Variants in KIF22 observed in about 807,000 individuals in gnomAD.
The protein encoded by KIF22 is kinesin-like protein KIF22.
Under a neutral mutation model 73.0 loss-of-function variants are expected in KIF22, and 62 were observed. The ratio of observed to expected loss-of-function variants is 0.85; its 90% CI spans 0.69 to 1.05. The LOEUF (loss-of-function observed/expected upper bound fraction) is 1.05, where lower values mean the gene tolerates loss of function less well. Among genes scored for constraint, KIF22 ranks in the 50% least tolerant of loss-of-function variants. The pLI is 0.00. For missense variants in KIF22, 854 were observed against 870.1 expected, an observed-to-expected ratio of 0.98 and a Z score of 0.23; for synonymous variants, 411 against 340.1, an observed-to-expected ratio of 1.21 and a Z score of -2.29.
intron 8 of KIF22, among the ~76,000 whole-genome samples, chr16:29,802,110 T>A (rs910054139): frequency 4.6e-5 from 7 of 150,768 alleles, no homozygotes; most frequent in Non-Finnish European, 8.9e-5. Context: ...CTACAAAAAA[T>A]AAAAAAATTA....
Position 29,796,828 on chromosome 16 carries a change from A to G in KIF22, c.71-65A>G, listed in dbSNP as rs918079181. 66 of 1,517,706 alleles carry G rather than the reference A, an allele frequency of 4.3e-5. No individual in the cohort carries two copies. In the Admixed American group the frequency reaches 1.0e-3, roughly 23 times the overall value. The allele number at this position is 1,517,706 out of a possible 1,614,324, so 94.0% of individuals were successfully genotyped here. A position where few individuals can be genotyped will look rare whatever the true frequency, so the allele number is the denominator to read the frequency against. ...CTGTGGCCCCCAGCCCGCCCAGCAAAGTTGGTCCCTGCTTCTTCTGCTACC... is the reference window on the plus strand; with the variant it reads ...CTGTGGCCCCCAGCCCGCCCAGCAAGGTTGGTCCCTGCTTCTTCTGCTACC... On this transcript the variant is annotated intron_variant, in intron 1 of 13. Transcript: ENST00000160827.
In KIF22 at chr16:29,804,849, G is replaced by T; in HGVS notation, c.1713G>T (p.Lys571Asn). Residue 571 changes from lysine to asparagine, a missense_variant, in exon 12 of 14, where the codon AAG (lysine) becomes AAT (asparagine). Physicochemically the swap from Lys to Asn is moderately conservative, Grantham distance 94. This residue lies in a region of KIF22 where 423 missense variants were observed against 365.4 expected (regional missense o/e 1.16). Coordinates refer to ENST00000160827, the MANE Select transcript of KIF22 (RefSeq NM_007317.3). ...ESLDALEPEE[K>N]AEDCWELQIS... is the part of the protein sequence containing the mutation. ...TGGATGCCCTAGAGCCTGAGGAGAAGGCTGAGGACTGCTGGGAGCTACAGA... is the reference window on the plus strand; with the variant it reads ...TGGATGCCCTAGAGCCTGAGGAGAATGCTGAGGACTGCTGGGAGCTACAGA... 1 of 1,613,248 alleles carries T rather than the reference G, an allele frequency of 6.2e-7. No individual in the cohort carries two copies. Among genetic ancestry groups the T allele is most frequent in the Non-Finnish European group, 8.5e-7 (1 of 1,179,734 alleles).
At chr16:29,800,706 C>G (rs1012250590) in intron 8 of KIF22, among the ~76,000 whole-genome samples, 2 of 151,940 alleles carry the variant, frequency 1.3e-5, no homozygotes, top group African/African-American at 2.4e-5. Context: ...GTGAAAGTTG[C>G]AGTGAGCCAA....
rs1567359136 is a variant in KIF22, at chr16:29,799,390, G to A, written c.886G>A (p.Ala296Thr). Residue 296 changes from alanine (A) to threonine (T), a missense_variant, in exon 6 of 14, where the codon GCC (alanine) becomes ACC (threonine). Ala to Thr is a moderately conservative substitution (Grantham distance 58). Around this residue, in one of 3 missense-constraint regions of KIF22, gnomAD observed 245 missense variants for 351.8 expected, o/e 0.70. Coordinates refer to ENST00000160827, the MANE Select transcript of KIF22 (RefSeq NM_007317.3). ...GGGCCTTCGGCTAAAAGAGAGTGGAGCCATCAACACCTCCCTGTTTGTCCT... is the reference window on the plus strand; with the variant it reads ...GGGCCTTCGGCTAAAAGAGAGTGGAACCATCAACACCTCCCTGTTTGTCCT... ...NKGLRLKESG[A>T]INTSLFVLGK... 1 of 1,614,248 alleles carries A rather than the reference G, an allele frequency of 6.2e-7. No individual in the cohort carries two copies. The highest frequency in any genetic ancestry group is 8.5e-7 in the Non-Finnish European group (1 of 1,180,046).
intron 1 of KIF22, chr16:29,791,565 G>C (rs1170034524): frequency 6.6e-6 from 1 of 152,194 alleles, no homozygotes; most frequent in Admixed American, 6.5e-5. Context: ...TTAGCCTCGT[G>C]GGGAAACAGA....
In KIF22 at chr16:29,798,245, CGTT is replaced by C; in HGVS notation, c.267-128_267-126del. ...CTTTGTACAAGAAAGGGGATAGAGA[CGTT>C]CTCTTAAATCCAAGGTCCAGATGAG... On this transcript the variant is annotated intron_variant, in intron 2 of 13. Transcript: ENST00000160827. The surrounding 1 kb of genome is among the most constrained non-coding windows in gnomAD (Gnocchi z 4.1). 1 of 1,474,480 alleles carries C rather than the reference CGTT, an allele frequency of 6.8e-7. No homozygotes were observed. The highest frequency in any genetic ancestry group is 1.4e-5 in the South Asian group (1 of 73,276). 91.3% of individuals were successfully genotyped at this position (1,474,480 alleles called of 1,614,324 possible). A position where few individuals can be genotyped will look rare whatever the true frequency, so the allele number is the denominator to read the frequency against.
chr16:29,792,046 T>C (rs138613448), intron 1 of KIF22, among the ~76,000 whole-genome samples: 46 of 152,316 alleles, frequency 3.0e-4, no homozygotes, highest in African/African-American at 9.9e-4. Context: ...CCCTTGAGTA[T>C]TCTGGGAGGA....
In KIF22 at chr16:29,805,313, G is replaced by C; in HGVS notation, c.*3G>C. 1 of 1,612,890 alleles carries C rather than the reference G, an allele frequency of 6.2e-7. No individual in the cohort carries two copies. Among genetic ancestry groups the C allele is most frequent in the Non-Finnish European group, 8.5e-7 (1 of 1,179,914 alleles). The stretch of plus-strand genomic sequence containing the variant: ...GCCAGCGCTGTGGCGCCTCCTGACC[G>C]TCGTCTCCTCACTCCGCCTTTTCAA... On this transcript the variant is annotated 3_prime_UTR_variant, in exon 14 of 14. Transcript: ENST00000160827.
Position 29,802,979 on chromosome 16 carries a change from T to C in KIF22, c.1449+42T>C, listed in dbSNP as rs754947238. 14 of 1,586,328 alleles carry C rather than the reference T, an allele frequency of 8.8e-6. 1 individual carries two copies. The South Asian group carries it at 1.6e-4, about 18-fold the overall frequency. On this transcript the variant is annotated intron_variant, in intron 9 of 13. Transcript: ENST00000160827. ...TGTGGGAGCTGGATTCCTATTGGCC[T>C]TGAGAAGCAATCCTTGGATCTTCAG...
At chr16:29,796,652 C>T (rs1208385926) in intron 1 of KIF22, among the ~76,000 whole-genome samples, 10 of 152,008 alleles carry the variant, frequency 6.6e-5, no homozygotes, top group Non-Finnish European at 8.8e-5. Flanking sequence ...CACATTTTCA[C>T]AAGATCCTCC....
chr16:29,801,827 C>T (rs1395824307), intron 8 of KIF22, among the ~76,000 whole-genome samples: 1 of 152,174 alleles, frequency 6.6e-6, no homozygotes. Flanking sequence ...TGTCCCTGTC[C>T]TCCAGGAGCC....
intron 1 of KIF22, among the ~76,000 whole-genome samples, chr16:29,794,696 C>T (rs1266032604): frequency 6.6e-6 from 1 of 152,158 alleles, no homozygotes; most frequent in Non-Finnish European, 1.5e-5. Context: ...ATTCTTGTGC[C>T]TCAGCCTCCC....
Position 29,798,529 on chromosome 16 carries a change from T to C in KIF22, c.394+28T>C. 1 of 1,613,990 alleles carries C rather than the reference T, an allele frequency of 6.2e-7. No individual in the cohort carries two copies. The highest frequency in any genetic ancestry group is 1.3e-5 in the African/African-American group (1 of 75,034). On this transcript the variant is annotated intron_variant, in intron 3 of 13. Coordinates refer to ENST00000160827, the MANE Select transcript of KIF22 (RefSeq NM_007317.3). The surrounding 1 kb of genome is among the most constrained non-coding windows in gnomAD (Gnocchi z 4.1). Reference sequence around the variant, plus strand: ...GAGGGAGCCAGAAAAGAAACAGCTATGGGTCAGAAAGGGCTGGGGAAACGG... The same window carrying C: ...GAGGGAGCCAGAAAAGAAACAGCTACGGGTCAGAAAGGGCTGGGGAAACGG...
intron 9 of KIF22, 59 bp downstream of exon 9, chr16:29,802,996 G>C: frequency 6.5e-7 from 1 of 1,542,338 alleles, no homozygotes; most frequent in African/African-American, 1.4e-5. Context: ...GCAATCCTTG[G>C]ATCTTCAGAC....
chr16:29,794,882 T>C (rs561398098), intron 1 of KIF22, among the ~76,000 whole-genome samples: 1 of 152,212 alleles, frequency 6.6e-6, no homozygotes, highest in Admixed American at 6.5e-5. Flanking sequence ...GGCCAAATTC[T>C]CAAAAAGCCC....
chr16:29,804,716 G>T, intron 11 of KIF22, 98 bp from the exon 12 acceptor site: 1 of 931,442 alleles, frequency 1.1e-6, no homozygotes. Context: ...GAAGAGGCTG[G>T]AGCGCAGGAG....
At position 29,804,830 on chromosome 16, in the gene KIF22, C is replaced by T. The variant is rs1899298016; in HGVS notation, c.1694C>T (p.Ala565Val). The change falls in exon 12 of 14, where the codon GCC becomes GTC. Residue 565 changes from alanine (A) to valine (V), a missense_variant. Ala to Val is a moderately conservative substitution (Grantham distance 64). Coordinates refer to ENST00000160827, the MANE Select transcript of KIF22 (RefSeq NM_007317.3). Reference protein sequence around the residue: ...GRKRKLESLDALEPEEKAEDC... With the variant: ...GRKRKLESLDVLEPEEKAEDC... ...GCCTCCCAGCTGGAGTCCCTGGATG[C>T]CCTAGAGCCTGAGGAGAAGGCTGAG... The T allele has an allele frequency of 1.9e-6, 3 of 1,610,406 alleles. No homozygotes were observed. The highest frequency in any genetic ancestry group is 2.5e-6 in the Non-Finnish European group (3 of 1,178,520).
rs922074589 is a variant in KIF22 at position 29,799,669 on chromosome 16, C to T, written c.1032C>T (p.Asn344=). The part of the protein sequence containing the change: ...GGSAHSILIA[N]IAPERRFYLD... The stretch of plus-strand genomic sequence containing the variant: ...CAGCCCACAGTATCCTTATTGCCAA[C>T]ATTGCCCCTGAGAGACGCTTCTACC... Residue 344 remains asparagine, a synonymous_variant, in exon 7 of 14, where the codon AAC becomes AAT. Transcript: ENST00000160827. 1 of 1,613,974 alleles carries T rather than the reference C, an allele frequency of 6.2e-7. No homozygotes were observed. Among genetic ancestry groups the T allele is most frequent in the Non-Finnish European group, 8.5e-7 (1 of 1,180,020 alleles).
Position 29,790,809 on chromosome 16 carries a change from C to T in KIF22, c.50C>T (p.Ala17Val), listed in dbSNP as rs1898789686. 1.9e-6 allele frequency: 3 copies of T among 1,604,170 alleles called. No homozygotes were observed. In the African/African-American group the frequency reaches 4.0e-5, roughly 21 times the overall value. ...TQQRRREMAA[A>V]SAAAISGAGR... ...CAGAGGCGACGCGAGATGGCGGCAG[C>T]TTCAGCGGCGGCGATCTCAGGTACT... The change falls in exon 1 of 14, where the codon GCT becomes GTT. Residue 17 changes from alanine (A) to valine (V), a missense_variant. Ala to Val is a moderately conservative substitution (Grantham distance 64, BLOSUM62 0). Coordinates refer to ENST00000160827, the MANE Select transcript of KIF22 (RefSeq NM_007317.3).
Sources: allele counts gnomAD v4.1 joint callset (sites outside exome capture counted in the v4.1 genomes callset), GRCh38; gene constraint gnomAD v4.1.1; regional missense constraint gnomAD v4.1.1; non-coding constraint Gnocchi (gnomAD v3.1); transcripts MANE v1.5; gene names NCBI Gene and HGNC (gene_info 2026-07-23, HGNC 2026-07-21).